Variants in IL7 observed in about 807,000 individuals in gnomAD.
IL7 encodes the protein interleukin 7.
IL7 carries 3 observed loss-of-function variants against 21.6 expected under a neutral mutation model. The observed-to-expected ratio is 0.14, with a 90% CI of 0.06 to 0.36. IL7 has a LOEUF of 0.36. Among genes scored for constraint, IL7 ranks in the 10% least tolerant of loss-of-function variants. The pLI is 1.00. For missense variants in IL7, 175 were observed against 200.2 expected, an observed-to-expected ratio of 0.87 and a Z score of 0.76; for synonymous variants, 62 against 68.1, an observed-to-expected ratio of 0.91 and a Z score of 0.44.
chr8:78,726,204 G>T (rs1451311872), intron 3 of IL7, among the ~76,000 whole-genome samples: 1 of 151,926 alleles, frequency 6.6e-6, no homozygotes, highest in Non-Finnish European at 1.5e-5. Context: ...AGCCATTATT[G>T]TATATCTTTT....
At chr8:78,696,201 A>AT (rs1342744633) in intron 3 of IL7, among the ~76,000 whole-genome samples, 1 of 151,810 alleles carries the variant, frequency 6.6e-6, no homozygotes, top group Non-Finnish European at 1.5e-5. Flanking sequence ...CGCCCGGCTA[A>AT]TTTTTTGTAT....
At chr8:78,739,914 A>G (rs990460765) in intron 3 of IL7, 88 bp downstream of exon 3, 1 of 1,122,750 alleles carries the variant, frequency 8.9e-7, no homozygotes, top group Non-Finnish European at 1.2e-6. Flanking sequence ...TATTAATAGT[A>G]TTCATATAAT....
At chr8:78,702,757 A>C (rs192147484) in intron 3 of IL7, among the ~76,000 whole-genome samples, 1 of 152,220 alleles carries the variant, frequency 6.6e-6, no homozygotes, top group East Asian at 1.9e-4. Flanking sequence ...ATTTATATGT[A>C]GTTGTAGGGT....
rs191819520 is a variant in IL7, at chr8:78,704,726, G to A, written n.214+16622C>T. Among the ~76,000 whole-genome samples, 1,513 of 152,224 alleles carry A rather than the reference G, an allele frequency of 9.9e-3. 27 individuals are homozygous for A. Among genetic ancestry groups the A allele is most frequent in the Non-Finnish European group, 0.012 (783 of 68,008 alleles). On this transcript the variant is annotated intron_variant and non_coding_transcript_variant, in intron 3 of 4. Coordinates refer to the IL7 transcript ENST00000523959. ...GGTGCCATTCTCCTCATCTCTTTCAGATATACCGGTCAGTCATAGATTTGG... is the reference window on the plus strand; with the variant it reads ...GGTGCCATTCTCCTCATCTCTTTCAAATATACCGGTCAGTCATAGATTTGG...
chr8:78,746,261 T>C (rs1375583526), intron 2 of IL7, among the ~76,000 whole-genome samples: 2 of 152,262 alleles, frequency 1.3e-5, no homozygotes, highest in Non-Finnish European at 2.9e-5. Flanking sequence ...CGGGAGCTTC[T>C]AGTTCATCTT....
At chr8:78,724,512 C>G (rs1450654974) in intron 3 of IL7, among the ~76,000 whole-genome samples, 1 of 136,276 alleles carries the variant, frequency 7.3e-6, no homozygotes, top group Non-Finnish European at 1.6e-5. Context: ...TACTTATCTT[C>G]TCAAACTTAT....
At chr8:78,743,057 A>C (rs1811850552) in intron 2 of IL7, among the ~76,000 whole-genome samples, 1 of 152,170 alleles carries the variant, frequency 6.6e-6, no homozygotes, top group African/African-American at 2.4e-5. Context: ...AAAGGACATG[A>C]TCTCATTGAT....
At chr8:78,675,080 TTTTTC>T (rs1160493460), downstream of IL7, among the ~76,000 whole-genome samples, 1 of 151,686 alleles carries the variant, frequency 6.6e-6, no homozygotes, top group African/African-American at 2.4e-5. Flanking sequence ...AGTTTCTTTT[TTTTTC>T]TTTTTAGTAA....
chr8:78,750,412 A>T (rs950126529), intron 2 of IL7, among the ~76,000 whole-genome samples: 3 of 152,136 alleles, frequency 2.0e-5, no homozygotes, highest in Admixed American at 6.5e-5. Flanking sequence ...ATGAAAAAAA[A>T]AATTACAAGG....
chr8:78,678,654 C>T (rs750302785), intron 4 of IL7: 11 of 1,610,716 alleles, frequency 6.8e-6, no homozygotes, highest in Non-Finnish European at 9.3e-6. Context: ...ACTGATATTC[C>T]AACAGTAAAA....
Position 78,804,960 on chromosome 8 carries a change from C to T in IL7, c.-38G>A, listed in dbSNP as rs540678382. ...GCGGGCGTAGTCATGATGACCGCAA[C>T]TGGAGCAGGAGCAAGCTCTCACCGC... On this transcript the variant is annotated 5_prime_UTR_variant, in exon 1 of 6. Coordinates refer to ENST00000263851, the MANE Select transcript of IL7 (RefSeq NM_000880.4). 1.2e-6 allele frequency: 2 copies of T among 1,608,014 alleles called. No individual in the cohort carries two copies. The highest frequency in any genetic ancestry group is 8.5e-7 in the Non-Finnish European group (1 of 1,176,494).
At chr8:78,717,521 A>G (rs562567679), downstream of IL7, 5 of 1,511,742 alleles carry the variant, frequency 3.3e-6, no homozygotes, top group African/African-American at 5.6e-5. Flanking sequence ...AAAAAAAGCC[A>G]AGTTCAGAGT....
chr8:78,717,124 G>A (rs147808240), downstream of IL7, among the ~76,000 whole-genome samples: 9 of 151,698 alleles, frequency 5.9e-5, no homozygotes, highest in Non-Finnish European at 8.8e-5. Flanking sequence ...GTAAATTCTC[G>A]TAACACAGAT....
chr8:78,713,562 A>G (rs1446451476), downstream of IL7, among the ~76,000 whole-genome samples: 1 of 152,190 alleles, frequency 6.6e-6, no homozygotes, highest in Non-Finnish European at 1.5e-5. Flanking sequence ...GTTCTACAAC[A>G]TCCCCAAAGA....
At chr8:78,739,048 T>C (rs976016231) in intron 3 of IL7, among the ~76,000 whole-genome samples, 31 of 152,266 alleles carry the variant, frequency 2.0e-4, no homozygotes, top group Middle Eastern at 6.8e-3. Flanking sequence ...TATGGAAGAA[T>C]AGCTGATAAT....
intron 6 of IL7, chr8:78,718,779 A>G (rs1048679505): frequency 1.3e-5 from 2 of 151,848 alleles, no homozygotes; most frequent in Admixed American, 6.6e-5. Context: ...CCTTGATGGC[A>G]GTAATTCTGT....
chr8:78,705,257 C>G (rs1420907758), intron 3 of IL7, among the ~76,000 whole-genome samples: 1 of 152,158 alleles, frequency 6.6e-6, no homozygotes, highest in Non-Finnish European at 1.5e-5. Flanking sequence ...GTGAGCTTAC[C>G]TAACTTCAGT....
intron 2 of IL7, among the ~76,000 whole-genome samples, chr8:78,741,869 G>C (rs1051547650): frequency 6.6e-6 from 1 of 152,226 alleles, no homozygotes; most frequent in South Asian, 2.1e-4. Flanking sequence ...TGCCCTATCA[G>C]AAGAATGGCT....
At chr8:78,681,901 C>CTTTTTTTT (rs56181953) in intron 4 of IL7, among the ~76,000 whole-genome samples, 2 of 126,470 alleles carry the variant, frequency 1.6e-5, no homozygotes, top group Non-Finnish European at 3.4e-5. Context: ...CTTTTTCTTT[C>CTTTTTTTT]TTTTTTTTTT....
Sources: allele counts gnomAD v4.1 joint callset (sites outside exome capture counted in the v4.1 genomes callset), GRCh38; gene constraint gnomAD v4.1.1; transcripts MANE v1.5; gene names NCBI Gene and HGNC (gene_info 2026-07-23, HGNC 2026-07-21).